CACNA2D3: variants seen among roughly 807,000 people sequenced by gnomAD.
CACNA2D3 encodes the protein calcium voltage-gated channel auxiliary subunit alpha2delta 3.
Under a neutral mutation model 160.6 loss-of-function variants are expected in CACNA2D3, and 60 were observed. The observed-to-expected ratio is 0.37, with a 90% CI of 0.30 to 0.46. The LOEUF (loss-of-function observed/expected upper bound fraction) is 0.46, where lower values mean the gene tolerates loss of function less well. CACNA2D3 is among the 20% of genes least tolerant of loss of function. The pLI, the probability that CACNA2D3 is intolerant of heterozygous loss-of-function variation, is 1.00. For missense variants in CACNA2D3, 1,205 were observed against 1,365.0 expected (o/e 0.88, Z 1.85); for synonymous variants, 558 against 492.9 (o/e 1.13, Z -1.75).
chr3:54,436,132 A>G (rs1005544081), intron 4 of CACNA2D3, among the ~76,000 whole-genome samples: 2 of 152,226 alleles, frequency 1.3e-5, no homozygotes, highest in African/African-American at 4.8e-5. Context: ...GAAGGAGAGA[A>G]GAGAATGAGA....
chr3:54,588,328 T>C (rs1575363890), intron 9 of CACNA2D3, among the ~76,000 whole-genome samples: 1 of 152,188 alleles, frequency 6.6e-6, no homozygotes, highest in South Asian at 2.1e-4. Context: ...TCCAAATTGA[T>C]AGAGACCATC....
intron 35 of CACNA2D3, among the ~76,000 whole-genome samples, chr3:55,036,834 T>C (rs1703827831): frequency 6.6e-6 from 1 of 152,204 alleles, no homozygotes; most frequent in Non-Finnish European, 1.5e-5. Flanking sequence ...AATGATACCA[T>C]TTTTTAAATT....
rs1343109848 is a variant in CACNA2D3, at chr3:54,561,858, C to T, written c.545-942C>T. 2.6e-5 allele frequency among the ~76,000 whole-genome samples: 4 copies of T among 152,194 alleles called. No individual in the cohort carries two copies. In the East Asian group the frequency reaches 5.8e-4, roughly 22 times the overall value. ...AAAGGAAAGAGGTTTAACTGACTCA[C>T]AGTTCCACATGGCTGGGGAGGCCTC... On this transcript the variant is annotated intron_variant, in intron 5 of 37. Coordinates refer to ENST00000474759, the MANE Select transcript of CACNA2D3 (RefSeq NM_018398.3).
At chr3:54,969,134 A>G (rs183919282) in intron 28 of CACNA2D3, among the ~76,000 whole-genome samples, 5 of 152,292 alleles carry the variant, frequency 3.3e-5, no homozygotes, top group African/African-American at 1.2e-4. Flanking sequence ...AAGGAGATGG[A>G]CAGGGGTTTT....
At chr3:54,918,945 C>T in intron 27 of CACNA2D3, 2 of 1,401,890 alleles carry the variant, frequency 1.4e-6, no homozygotes, top group Non-Finnish European at 1.9e-6. Context: ...CAACAGAGTT[C>T]CAAAATCCTC....
chr3:54,365,092 A>G (rs1698806414), intron 3 of CACNA2D3, among the ~76,000 whole-genome samples: 1 of 152,194 alleles, frequency 6.6e-6, no homozygotes. Context: ...GTTTCCTCAA[A>G]CCTGGCTCAA....
intron 4 of CACNA2D3, among the ~76,000 whole-genome samples, chr3:54,401,703 A>T (rs189824502): frequency 6.6e-6 from 1 of 152,352 alleles, no homozygotes; most frequent in East Asian, 1.9e-4. Context: ...AGGCAAGCAA[A>T]CGTTGAGAGA....
At chr3:54,747,623 C>A (rs143297566) in intron 11 of CACNA2D3, among the ~76,000 whole-genome samples, 1 of 152,090 alleles carries the variant, frequency 6.6e-6, no homozygotes, top group Non-Finnish European at 1.5e-5. Flanking sequence ...TGATGTGGCA[C>A]CCATTGTATC....
intron 11 of CACNA2D3, among the ~76,000 whole-genome samples, chr3:54,742,388 A>G (rs1163318820): frequency 6.6e-6 from 1 of 152,170 alleles, no homozygotes; most frequent in Non-Finnish European, 1.5e-5. Flanking sequence ...ACTGCACTCC[A>G]TCCTGGGTGG....
chr3:54,515,199 T>TGTGTGAGAGA (rs1553706902), intron 5 of CACNA2D3, among the ~76,000 whole-genome samples: 1 of 143,598 alleles, frequency 7.0e-6, no homozygotes, highest in African/African-American at 2.6e-5. Context: ...TGTGTGTGTG[T>TGTGTGAGAGA]GAGAGAGAGA....
chr3:54,646,237 TCCTTCCTTCCTC>T (rs1699648491), intron 11 of CACNA2D3, among the ~76,000 whole-genome samples: 1 of 118,464 alleles, frequency 8.4e-6, no homozygotes, highest in African/African-American at 3.4e-5. Context: ...CTTCCTTCCT[TCCTTCCTTCCTC>T]TCTCTCTCTC....
At chr3:55,050,635 A>G (rs1034641783) in intron 35 of CACNA2D3, among the ~76,000 whole-genome samples, 2 of 132,994 alleles carry the variant, frequency 1.5e-5, no homozygotes, top group African/African-American at 6.1e-5. Flanking sequence ...TATTTCCTGA[A>G]TCTGAACGTT....
chr3:54,341,783 T>C (rs573599681), intron 3 of CACNA2D3, among the ~76,000 whole-genome samples: 2 of 152,208 alleles, frequency 1.3e-5, no homozygotes, highest in South Asian at 4.2e-4. Context: ...ACCTCCAGAG[T>C]GTATGTAACT....
chr3:54,595,009 C>G (rs541353227), intron 9 of CACNA2D3, among the ~76,000 whole-genome samples: 1 of 152,178 alleles, frequency 6.6e-6, no homozygotes, highest in Non-Finnish European at 1.5e-5. Flanking sequence ...ATGGTTCAAC[C>G]CTATGTCATT....
intron 17 of CACNA2D3, among the ~76,000 whole-genome samples, chr3:54,853,871 TG>T (rs1699112298): frequency 6.6e-6 from 1 of 150,860 alleles, no homozygotes; most frequent in Non-Finnish European, 1.5e-5. Flanking sequence ...CCTATGGGGG[TG>T]GGGGGATGGG....
At chr3:55,069,617 A>T (rs7622909) in intron 35 of CACNA2D3, among the ~76,000 whole-genome samples, 5,854 of 152,220 alleles carry the variant, frequency 0.038, 364 homozygotes, top group African/African-American at 0.13. Flanking sequence ...TATTAGTTCT[A>T]GTAGTTGGTC....
At chr3:54,413,416 ATAGATATC>A (rs1345223447) in intron 4 of CACNA2D3, among the ~76,000 whole-genome samples, 9 of 138,316 alleles carry the variant, frequency 6.5e-5, no homozygotes, top group South Asian at 4.4e-4. Context: ...ATCTATATAT[ATAGATATC>A]TATATATATA....
At chr3:54,370,955 A>G (rs540942802) in intron 3 of CACNA2D3, among the ~76,000 whole-genome samples, 1 of 151,886 alleles carries the variant, frequency 6.6e-6, no homozygotes, top group Non-Finnish European at 1.5e-5. Flanking sequence ...TGGACATTTC[A>G]TGTAAATGAA....
At chr3:54,639,339 G>A (rs1559535431) in intron 10 of CACNA2D3, 1 of 152,270 alleles carries the variant, frequency 6.6e-6, no homozygotes, top group Non-Finnish European at 1.5e-5. Flanking sequence ...ACCAAGGCAG[G>A]CATCCCTGCG....
Sources: gnomAD v4.1 joint callset for allele counts (sites outside exome capture counted in the v4.1 genomes callset) on GRCh38, gnomAD v4.1.1 for gene constraint, MANE v1.5 for transcripts, NCBI Gene and HGNC (gene_info 2026-07-23, HGNC 2026-07-21) for gene names.